CNTNAP2: variants seen among roughly 807,000 people sequenced by gnomAD.
CNTNAP2 encodes the protein contactin-associated protein-like 2.
A neutral mutation model predicts 155.2 loss-of-function variants in CNTNAP2; 98 were observed. The ratio of observed to expected loss-of-function variants is 0.63; its 90% CI spans 0.54 to 0.75. The LOEUF is 0.75. CNTNAP2 is among the 30% of genes least tolerant of loss of function. The pLI is 0.00. For synonymous variants in CNTNAP2, 651 were observed against 631.2 expected (o/e 1.03, Z -0.47); for missense variants, 1,727 against 1,688.1 (o/e 1.02, Z -0.40).
intron 13 of CNTNAP2, among the ~76,000 whole-genome samples, chr7:147,800,423 C>T (rs1429645928): frequency 6.6e-6 from 1 of 151,452 alleles, no homozygotes; most frequent in Non-Finnish European, 1.5e-5. Flanking sequence ...AACTTAAGGC[C>T]ATTTAAAAAG....
At chr7:146,743,819 C>T (rs1279289548) in intron 1 of CNTNAP2, among the ~76,000 whole-genome samples, 3 of 152,104 alleles carry the variant, frequency 2.0e-5, no homozygotes, top group Non-Finnish European at 2.9e-5. Context: ...GGAAATGTTA[C>T]CTCCATATTC....
At position 146,288,799 on chromosome 7, in the gene CNTNAP2, T is replaced by G. The variant is rs1469866388; in HGVS notation, c.97+171826T>G. Among the ~76,000 whole-genome samples the G allele has an allele frequency of 1.5e-3, 188 of 128,008 alleles. 1 individual carries two copies. Among genetic ancestry groups the G allele is most frequent in the African/African-American group, 6.4e-3 (176 of 27,518 alleles). 84.0% of individuals were successfully genotyped at this position (128,008 alleles called of 152,430 possible). ...GGGTAGAGTAAAATTAGTAATTTTT[T>G]TTTTTTTTTTTTTTTTTTTTTTTGA... On this transcript the variant is annotated intron_variant, in intron 1 of 23. Transcript: ENST00000361727.
chr7:146,872,162 A>ATTTTTTTTTTTTTT (rs144291754), intron 3 of CNTNAP2, among the ~76,000 whole-genome samples: 1 of 111,532 alleles, frequency 9.0e-6, no homozygotes. Flanking sequence ...AAATTATTGA[A>ATTTTTTTTTTTTTT]TTTTTTTTTT....
intron 13 of CNTNAP2, among the ~76,000 whole-genome samples, chr7:147,854,293 C>T (rs1447512438): frequency 6.6e-6 from 1 of 152,150 alleles, no homozygotes; most frequent in African/African-American, 2.4e-5. Context: ...TTACTAGCTT[C>T]TTGAAAGCAA....
At chr7:147,685,129 C>A (rs757245864) in intron 13 of CNTNAP2, among the ~76,000 whole-genome samples, 17 of 151,982 alleles carry the variant, frequency 1.1e-4, no homozygotes, top group Non-Finnish European at 1.6e-4. Context: ...GCAAACACAG[C>A]AGTGAGGAAA....
At chr7:146,580,767 T>G (rs1563143394) in intron 1 of CNTNAP2, among the ~76,000 whole-genome samples, 1 of 152,092 alleles carries the variant, frequency 6.6e-6, no homozygotes, top group Non-Finnish European at 1.5e-5. Context: ...AAATGTAAGC[T>G]CAAGGTAAGC....
chr7:147,407,059 A>AC (rs564637048), intron 10 of CNTNAP2, among the ~76,000 whole-genome samples: 29 of 151,360 alleles, frequency 1.9e-4, no homozygotes, highest in South Asian at 6.2e-4. Context: ...TTCAGTGAAG[A>AC]CCCCCCCCTC....
At position 148,030,144 on chromosome 7, in the gene CNTNAP2, G is replaced by A. The variant is rs1228717671; in HGVS notation, c.2383+52155G>A. ...GTTGCTTTCCGGCTGCTATAGCCCA[G>A]TTAAATTACCAAGTGCTGCTGATCC... On this transcript the variant is annotated intron_variant, in intron 15 of 23. Transcript: ENST00000361727. 3.9e-5 allele frequency among the ~76,000 whole-genome samples: 6 copies of A among 152,172 alleles called. No individual in the cohort carries two copies. In the East Asian group the frequency reaches 1.2e-3, roughly 29 times the overall value.
intron 18 of CNTNAP2, among the ~76,000 whole-genome samples, chr7:148,173,626 A>G (rs547865290): frequency 2.6e-5 from 4 of 152,246 alleles, no homozygotes; most frequent in Admixed American, 6.5e-5. Context: ...AAGGAACACC[A>G]TTGCAGAATA....
chr7:148,237,502 T>G (rs1585208252), intron 20 of CNTNAP2, among the ~76,000 whole-genome samples: 1 of 152,148 alleles, frequency 6.6e-6, no homozygotes, highest in Non-Finnish European at 1.5e-5. Flanking sequence ...AACATGATGT[T>G]AAACAAAGAT....
intron 21 of CNTNAP2, among the ~76,000 whole-genome samples, chr7:148,277,774 G>T (rs1284677851): frequency 1.3e-5 from 2 of 151,128 alleles, no homozygotes; most frequent in African/African-American, 4.9e-5. Flanking sequence ...TAGTCTTCTA[G>T]GGCATTAAGA....
At chr7:146,723,106 G>A (rs1801367592) in intron 1 of CNTNAP2, among the ~76,000 whole-genome samples, 1 of 152,168 alleles carries the variant, frequency 6.6e-6, no homozygotes, top group Non-Finnish European at 1.5e-5. Flanking sequence ...CCTAGCAGAT[G>A]TAATCAAGGC....
chr7:147,769,733 A>G (rs138775018), intron 13 of CNTNAP2, among the ~76,000 whole-genome samples: 2 of 152,252 alleles, frequency 1.3e-5, no homozygotes, highest in African/African-American at 4.8e-5. Context: ...TGTTTGCATA[A>G]TCTGACTTGG....
At chr7:147,310,291 TC>T (rs1388595906) in intron 9 of CNTNAP2, among the ~76,000 whole-genome samples, 7 of 152,148 alleles carry the variant, frequency 4.6e-5, no homozygotes, top group Non-Finnish European at 7.4e-5. Context: ...AAGAAAAATA[TC>T]ATAAAATTTC....
intron 3 of CNTNAP2, among the ~76,000 whole-genome samples, chr7:146,896,856 T>G (rs968028772): frequency 6.6e-6 from 1 of 152,218 alleles, no homozygotes; most frequent in Non-Finnish European, 1.5e-5. Flanking sequence ...ATATAAAATA[T>G]TTTTAATGAT....
intron 1 of CNTNAP2, among the ~76,000 whole-genome samples, chr7:146,540,189 A>G (rs1412683550): frequency 2.0e-5 from 3 of 152,128 alleles, no homozygotes; most frequent in Non-Finnish European, 4.4e-5. Context: ...TCATGGCCTT[A>G]TATTCCAGAA....
At position 148,054,881 on chromosome 7, in the gene CNTNAP2, CTTTTTTT is replaced by C. The variant is rs372468541; in HGVS notation, c.2384-63226_2384-63220del. Among the ~76,000 whole-genome samples the C allele has an allele frequency of 3.9e-4, 53 of 136,870 alleles. 2 individuals are homozygous for C. Among genetic ancestry groups the C allele is most frequent in the Middle Eastern group, 4.0e-3 (1 of 252 alleles). 89.8% of individuals were successfully genotyped at this position (136,870 alleles called of 152,430 possible). A position where few individuals can be genotyped will look rare whatever the true frequency, so the allele number is the denominator to read the frequency against. On this transcript the variant is annotated intron_variant, in intron 15 of 23. Transcript: ENST00000361727. The stretch of plus-strand genomic sequence containing the variant: ...CTCCAGTATGTAAATTAATAGGAAT[CTTTTTTT>C]TTTTTTTTTTCTGAGATGGAGTCTC...
intron 1 of CNTNAP2, among the ~76,000 whole-genome samples, chr7:146,463,755 AC>A (rs1192400250): frequency 6.6e-6 from 1 of 152,150 alleles, no homozygotes; most frequent in Non-Finnish European, 1.5e-5. Context: ...AAATATTTTG[AC>A]AAAAATAAGT....
chr7:147,627,178 G>T (rs1794995983), intron 12 of CNTNAP2, among the ~76,000 whole-genome samples: 1 of 152,292 alleles, frequency 6.6e-6, no homozygotes, highest in Non-Finnish European at 1.5e-5. Flanking sequence ...CAGATGTTGA[G>T]TTTCAGACCT....
Sources: allele counts gnomAD v4.1 joint callset (sites outside exome capture counted in the v4.1 genomes callset), GRCh38; gene constraint gnomAD v4.1.1; transcripts MANE v1.5; gene names NCBI Gene and HGNC (gene_info 2026-07-23, HGNC 2026-07-21).